The following CRTAM variants were observed in gnomAD, a reference collection of about 807,000 sequenced individuals.
The protein encoded by CRTAM is cytotoxic and regulatory T cell molecule, also known as cytotoxic and regulatory T-cell molecule.
CRTAM carries 44 observed loss-of-function variants against 50.0 expected under a neutral mutation model. The ratio of observed to expected loss-of-function variants is 0.88; its 90% CI spans 0.69 to 1.13. The LOEUF (loss-of-function observed/expected upper bound fraction) is 1.13. CRTAM is among the 50% of genes most tolerant of loss of function. The probability of loss-of-function intolerance (pLI) is 0.00; values close to 1 mark genes in which losing one functional copy is unlikely to be tolerated. For missense variants in CRTAM, 448 were observed against 457.5 expected, an observed-to-expected ratio of 0.98 and a Z score of 0.19; for synonymous variants, 159 against 169.3, an observed-to-expected ratio of 0.94 and a Z score of 0.47.
At chr11:122,862,720 C>T (rs940296148) in intron 6 of CRTAM, among the ~76,000 whole-genome samples, 176 bp downstream of exon 6, 6 of 152,228 alleles carry the variant, frequency 3.9e-5, no homozygotes, top group South Asian at 4.1e-4. Context: ...CATCAGGCAT[C>T]GGAATACTTA....
At chr11:122,855,275 C>G (rs6589956) in intron 4 of CRTAM, among the ~76,000 whole-genome samples, 2 of 152,144 alleles carry the variant, frequency 1.3e-5, no homozygotes, top group Admixed American at 6.6e-5. Context: ...TGCAAAGGAC[C>G]CTTTACAGTT....
chr11:122,848,935 T>G (rs372972671), intron 1 of CRTAM, among the ~76,000 whole-genome samples: 16 of 152,344 alleles, frequency 1.1e-4, no homozygotes, highest in African/African-American at 3.8e-4. Context: ...CAGTTTATTT[T>G]TCATCAATTT....
chr11:122,854,127 A>C (rs770295294), intron 4 of CRTAM, 41 bp downstream of exon 4: 69 of 1,590,742 alleles, frequency 4.3e-5, no homozygotes, highest in Non-Finnish European at 5.9e-5. Flanking sequence ...CTTCCTACTC[A>C]AATTTCCAGG....
At chr11:122,858,872 A>G (rs528558227) in intron 5 of CRTAM, among the ~76,000 whole-genome samples, 4 of 152,142 alleles carry the variant, frequency 2.6e-5, no homozygotes, top group East Asian at 1.9e-4. Flanking sequence ...TTGGTTTTCT[A>G]TTACTTACCT....
At chr11:122,868,131 A>G in intron 9 of CRTAM, 32 bp downstream of exon 9, 1 of 1,341,100 alleles carries the variant, frequency 7.5e-7, no homozygotes, top group South Asian at 1.2e-5. Context: ...AGATCTGAAC[A>G]ATGAGGTTCA....
intron 2 of CRTAM, among the ~76,000 whole-genome samples, chr11:122,851,354 A>T (rs956758808): frequency 6.6e-6 from 1 of 152,256 alleles, no homozygotes; most frequent in Non-Finnish European, 1.5e-5. Context: ...AAGCTAAATC[A>T]ACTAGAAGTA....
chr11:122,854,243 A>G (rs552433373), intron 4 of CRTAM, among the ~76,000 whole-genome samples, 157 bp downstream of exon 4: 7 of 152,356 alleles, frequency 4.6e-5, no homozygotes, highest in Admixed American at 4.6e-4. Flanking sequence ...CAACCAATCA[A>G]TTTTATGCCT....
intron 3 of CRTAM, 44 bp from the exon 4 acceptor site, chr11:122,853,899 C>A (rs371548965): frequency 3.9e-5 from 61 of 1,575,174 alleles, no homozygotes; most frequent in Admixed American, 5.1e-5. Flanking sequence ...TTGAGATATG[C>A]AGACTCATAT....
intron 6 of CRTAM, among the ~76,000 whole-genome samples, chr11:122,863,333 G>GAT (rs1862120435): frequency 1.1e-5 from 1 of 89,224 alleles, no homozygotes; most frequent in African/African-American, 3.3e-5. Flanking sequence ...AAGAAAGAAA[G>GAT]AAAGAAAGAA....
intron 5 of CRTAM, among the ~76,000 whole-genome samples, chr11:122,860,422 G>A (rs1862056877): frequency 6.6e-6 from 1 of 152,006 alleles, no homozygotes; most frequent in Non-Finnish European, 1.5e-5. Context: ...ATACCATATT[G>A]GATAGCAGAG....
chr11:122,867,162 C>T (rs1439502241), intron 7 of CRTAM, among the ~76,000 whole-genome samples: 3 of 152,110 alleles, frequency 2.0e-5, no homozygotes, highest in Non-Finnish European at 4.4e-5. Context: ...CCAATAGCTA[C>T]GTCACTTAAA....
At position 122,838,604 on chromosome 11, in the gene CRTAM, G is replaced by A; in HGVS notation, c.46+12G>A. 1 of 1,613,864 alleles carries A rather than the reference G, an allele frequency of 6.2e-7. No individual in the cohort carries two copies. The highest frequency in any genetic ancestry group is 8.5e-7 in the Non-Finnish European group (1 of 1,179,728). On this transcript the variant is annotated intron_variant, in intron 1 of 9. Transcript: ENST00000227348. ...GTTCCCCTTGCAAGGTAAGGACTTA[G>A]AGTTATTTTTGTTGTTGCTCAGCTG...
At chr11:122,860,106 G>A (rs1344097462) in intron 5 of CRTAM, among the ~76,000 whole-genome samples, 1 of 152,152 alleles carries the variant, frequency 6.6e-6, no homozygotes, top group African/African-American at 2.4e-5. Flanking sequence ...GGAGTGCAAT[G>A]GTGCTATCTC....
intron 9 of CRTAM, among the ~76,000 whole-genome samples, chr11:122,870,638 T>A (rs1330894532): frequency 6.6e-6 from 1 of 152,210 alleles, no homozygotes; most frequent in Non-Finnish European, 1.5e-5. Flanking sequence ...CCCGACCCTA[T>A]TTTTGCAGTA....
intron 1 of CRTAM, among the ~76,000 whole-genome samples, chr11:122,843,363 A>G (rs1251769577): frequency 6.6e-6 from 1 of 152,208 alleles, no homozygotes; most frequent in Non-Finnish European, 1.5e-5. Flanking sequence ...GGATGAATTC[A>G]GTCACGGAGA....
rs538326492 is a variant in CRTAM at position 122,871,616 on chromosome 11, A to C, written c.*217A>C. 15 of 347,182 alleles carry C rather than the reference A, an allele frequency of 4.3e-5. No individual in the cohort carries two copies. The South Asian group carries it at 1.2e-3, about 28-fold the overall frequency. The allele number at this position is 347,182 out of a possible 1,614,324, so 21.5% of individuals were successfully genotyped here. On this transcript the variant is annotated 3_prime_UTR_variant, in exon 10 of 10. Coordinates refer to ENST00000227348, the MANE Select transcript of CRTAM (RefSeq NM_019604.4). ...TTGTAGTTTAAAAAAGAAAAGCAAA[A>C]AAATAATTATGCCTGACACTACTTC...
intron 3 of CRTAM, 33 bp from the exon 4 acceptor site, chr11:122,853,910 C>A: frequency 6.2e-7 from 1 of 1,606,982 alleles, no homozygotes; most frequent in South Asian, 1.1e-5. Flanking sequence ...AGACTCATAT[C>A]TAATTAACAC....
chr11:122,852,584 T>TA (rs1230792900), intron 3 of CRTAM, among the ~76,000 whole-genome samples: 2 of 152,156 alleles, frequency 1.3e-5, no homozygotes, highest in Admixed American at 6.5e-5. Context: ...GTGCCTGCCA[T>TA]ACGGTAAAGG....
At position 122,867,419 on chromosome 11, in the gene CRTAM, TC is replaced by T. The variant is rs1862191605; in HGVS notation, c.829del (p.Gln277SerfsTer3). 1.2e-6 allele frequency: 2 copies of T among 1,612,122 alleles called. No individual in the cohort carries two copies. Among genetic ancestry groups the T allele is most frequent in the East Asian group, 2.2e-5 (1 of 44,840 alleles). On this transcript the variant is annotated frameshift_variant, in exon 8 of 10. Coordinates refer to ENST00000227348, the MANE Select transcript of CRTAM (RefSeq NM_019604.4). LOFTEE classifies it high-confidence loss of function. ...DPDLTTEANP[Q>X]YLGLARKKSG... is the part of the protein sequence containing the mutation. Reference sequence around the variant, plus strand: ...TCATTTTCCTTATAGAAGCAAATCCTCAGTATTTAGGACTGGCAAGAAAGAA... The same window carrying T: ...TCATTTTCCTTATAGAAGCAAATCCTAGTATTTAGGACTGGCAAGAAAGAA...
Sources: gnomAD v4.1 joint callset for allele counts (sites outside exome capture counted in the v4.1 genomes callset) on GRCh38, gnomAD v4.1.1 for gene constraint, MANE v1.5 for transcripts, NCBI Gene and HGNC (gene_info 2026-07-23, HGNC 2026-07-21) for gene names.